NLRP3: variants seen among roughly 807,000 people sequenced by gnomAD.
The protein encoded by NLRP3 is NACHT, LRR and PYD domains-containing protein 3.
Under a neutral mutation model 91.3 loss-of-function variants are expected in NLRP3, and 48 were observed. The ratio of observed to expected loss-of-function variants is 0.53; its 90% CI spans 0.42 to 0.67. The LOEUF (loss-of-function observed/expected upper bound fraction) is 0.67. Ranked by LOEUF, NLRP3 falls within the 30% of genes least tolerant of loss-of-function variation. The pLI is 0.00. For synonymous variants in NLRP3, 561 were observed against 507.9 expected (o/e 1.10, Z -1.41); for missense variants, 982 against 1,276.9 (o/e 0.77, Z 3.52).
At chr1:247,440,916 C>T (rs1050364118) in intron 7 of NLRP3, among the ~76,000 whole-genome samples, 4 of 152,138 alleles carry the variant, frequency 2.6e-5, no homozygotes, top group African/African-American at 9.7e-5. Flanking sequence ...TTTTTAATTA[C>T]TGTGATCCTC....
intron 7 of NLRP3, among the ~76,000 whole-genome samples, chr1:247,439,911 T>C (rs1223235484): frequency 6.6e-6 from 1 of 152,244 alleles, no homozygotes; most frequent in Non-Finnish European, 1.5e-5. Flanking sequence ...CACATTTGTA[T>C]ATATAGTTTT....
intron 7 of NLRP3, among the ~76,000 whole-genome samples, chr1:247,438,201 T>A (rs943439064): frequency 1.3e-5 from 2 of 152,142 alleles, no homozygotes; most frequent in African/African-American, 4.8e-5. Context: ...CAGTCCTTAC[T>A]TTAGTTGACA....
chr1:247,435,355 A>G (rs1378540218), intron 6 of NLRP3, among the ~76,000 whole-genome samples: 2 of 152,238 alleles, frequency 1.3e-5, no homozygotes, highest in Non-Finnish European at 2.9e-5. Context: ...TCAACGGATG[A>G]AGGGTGTTGA....
rs763837523 is a variant in NLRP3, at chr1:247,425,483, C to T, written c.2034C>T (p.Ser678=). The T allele has an allele frequency of 1.1e-5, 18 of 1,613,970 alleles. No homozygotes were observed. Among genetic ancestry groups the T allele is most frequent in the Non-Finnish European group, 1.5e-5 (18 of 1,180,038 alleles). The change falls in exon 4 of 10, where the codon TCC becomes TCT. Residue 678 remains serine (S), a synonymous_variant. Transcript: ENST00000336119. The surrounding 1 kb of genome is among the most constrained non-coding windows in gnomAD (Gnocchi z 4.1). Reference sequence around the variant, plus strand: ...ACTGTCATCGGGTGGAGTCACTGTCCCTGGGGTTTCTCCATAACATGCCCA... The same window carrying T: ...ACTGTCATCGGGTGGAGTCACTGTCTCTGGGGTTTCTCCATAACATGCCCA... ...IENCHRVESL[S]LGFLHNMPKE...
At chr1:247,440,154 T>C (rs181275489) in intron 7 of NLRP3, among the ~76,000 whole-genome samples, 52 of 152,222 alleles carry the variant, frequency 3.4e-4, no homozygotes, top group African/African-American at 1.2e-3. Flanking sequence ...CTACATTTTT[T>C]TCTCTCGAAC....
At chr1:247,444,201 GT>G (rs1664440944) in intron 8 of NLRP3, 59 bp downstream of exon 8, 1 of 1,553,078 alleles carries the variant, frequency 6.4e-7, no homozygotes, top group Admixed American at 1.7e-5. Context: ...GTGGAGGGAC[GT>G]TTAGGCAGAG....
At chr1:247,443,694 TGAG>T (rs200066261) in intron 7 of NLRP3, among the ~76,000 whole-genome samples, 2,652 of 152,028 alleles carry the variant, frequency 0.017, 45 homozygotes, top group South Asian at 0.1. Flanking sequence ...GAAAGCTGTG[TGAG>T]GAGGAGGAGG....
At chr1:247,443,561 A>G (rs1283826547) in intron 7 of NLRP3, among the ~76,000 whole-genome samples, 4 of 103,704 alleles carry the variant, frequency 3.9e-5, no homozygotes, top group Admixed American at 3.4e-4. Flanking sequence ...TGTCTCTCTT[A>G]AAAAAAAAAA....
At chr1:247,448,256 G>T in intron 9 of NLRP3, 149 bp from the exon 10 acceptor site, 1 of 608,574 alleles carries the variant, frequency 1.6e-6, no homozygotes, top group Non-Finnish European at 2.9e-6. Flanking sequence ...CACTCTGGGA[G>T]TTGTGGTCCC....
At chr1:247,437,860 G>A (rs1025126182) in intron 7 of NLRP3, among the ~76,000 whole-genome samples, 7 of 152,170 alleles carry the variant, frequency 4.6e-5, no homozygotes, top group African/African-American at 7.2e-5. Flanking sequence ...TCAGTGAAGC[G>A]TGGGATGGGC....
chr1:247,416,420 C>T (rs1044591047), intron 1 of NLRP3, among the ~76,000 whole-genome samples: 10 of 152,142 alleles, frequency 6.6e-5, no homozygotes, highest in Non-Finnish European at 1.0e-4. Context: ...GGGAGGACAG[C>T]GGCAGCAACC....
chr1:247,427,535 A>G, intron 4 of NLRP3, among the ~76,000 whole-genome samples: 1 of 152,210 alleles, frequency 6.6e-6, no homozygotes, highest in Non-Finnish European at 1.5e-5. Flanking sequence ...CTGAGGACAG[A>G]TTCTGACTGG....
intron 2 of NLRP3, among the ~76,000 whole-genome samples, chr1:247,421,476 A>G (rs1037460516): frequency 6.6e-6 from 1 of 152,318 alleles, no homozygotes; most frequent in African/African-American, 2.4e-5. Flanking sequence ...AGCAATTATC[A>G]TTGTGTCAGT....
chr1:247,425,597 T>C lies in NLRP3; in HGVS notation c.2148T>C (p.His716=), dbSNP rs199592175. 9 of 1,604,840 alleles carry C rather than the reference T, an allele frequency of 5.6e-6. No individual in the cohort carries two copies. In the African/African-American group the frequency reaches 6.7e-5, roughly 12 times the overall value. Reference sequence around the variant, plus strand: ...GCTCCTCTCATGCTGCCTGTTCTCATGGGTAAGGAAACTCGGCTTCCAGGT... The same window carrying C: ...GCTCCTCTCATGCTGCCTGTTCTCACGGGTAAGGAAACTCGGCTTCCAGGT... The part of the protein sequence containing the change: ...LPSSSHAACS[H]GLVNSHLTSS... The change falls in exon 4 of 10, where the codon CAT becomes CAC. Residue 716 remains histidine (H), a splice_region_variant and synonymous_variant. Transcript: ENST00000336119. The surrounding 1 kb of genome is among the most constrained non-coding windows in gnomAD (Gnocchi z 4.1).
intron 4 of NLRP3, among the ~76,000 whole-genome samples, chr1:247,427,544 GGA>G (rs1396687672): frequency 2.0e-5 from 3 of 152,232 alleles, no homozygotes; most frequent in African/African-American, 7.2e-5. Context: ...GATTCTGACT[GGA>G]GCCCTGGTAG....
intron 7 of NLRP3, among the ~76,000 whole-genome samples, chr1:247,442,628 A>G (rs1448946981): frequency 6.6e-6 from 1 of 152,238 alleles, no homozygotes; most frequent in Non-Finnish European, 1.5e-5. Context: ...TGGAAAGTCC[A>G]GGTCTGGATC....
At chr1:247,446,278 T>G (rs1331021270) in intron 9 of NLRP3, among the ~76,000 whole-genome samples, 1 of 152,250 alleles carries the variant, frequency 6.6e-6, no homozygotes, top group African/African-American at 2.4e-5. Flanking sequence ...ATGGTGGCAT[T>G]CTGACAGGTC....
At chr1:247,429,183 A>G (rs538958281) in intron 4 of NLRP3, among the ~76,000 whole-genome samples, 16 of 152,098 alleles carry the variant, frequency 1.1e-4, no homozygotes, top group Non-Finnish European at 8.8e-5. Context: ...GTGAGCCACC[A>G]TGCCCAGCCT....
At chr1:247,432,084 C>T (rs546045104) in intron 5 of NLRP3, among the ~76,000 whole-genome samples, 1 of 152,282 alleles carries the variant, frequency 6.6e-6, no homozygotes, top group African/African-American at 2.4e-5. Context: ...AAGGTTTCAC[C>T]GTATTGGCTA....
Sources: allele counts gnomAD v4.1 joint callset (sites outside exome capture counted in the v4.1 genomes callset), GRCh38; gene constraint gnomAD v4.1.1; non-coding constraint Gnocchi (gnomAD v3.1); transcripts MANE v1.5; gene names NCBI Gene and HGNC (gene_info 2026-07-23, HGNC 2026-07-21).